The following CFAP44 variants were observed in gnomAD, a reference collection of about 807,000 sequenced individuals.
The protein encoded by CFAP44 is cilia and flagella associated protein 44.
CFAP44 carries 134 observed loss-of-function variants against 216.2 expected under a neutral mutation model. The ratio of observed to expected loss-of-function variants is 0.62; its 90% CI spans 0.54 to 0.72. The LOEUF (loss-of-function observed/expected upper bound fraction) is 0.72, where lower values mean the gene tolerates loss of function less well. Ranked by LOEUF, CFAP44 falls within the 30% of genes least tolerant of loss-of-function variation. The pLI, the probability that CFAP44 is intolerant of heterozygous loss-of-function variation, is 0.00. For missense variants in CFAP44, 2,035 were observed against 2,182.1 expected (o/e 0.93, Z 1.34); for synonymous variants, 700 against 727.6 (o/e 0.96, Z 0.61).
chr3:113,324,042 C>CAAAAAAAA (rs200919084), intron 28 of CFAP44, among the ~76,000 whole-genome samples: 21 of 71,838 alleles, frequency 2.9e-4, no homozygotes, highest in South Asian at 5.5e-4. Flanking sequence ...GACTCCGTCT[C>CAAAAAAAA]AAAAAAAAAA....
At chr3:113,423,334 C>T (rs147048701) in intron 4 of CFAP44, among the ~76,000 whole-genome samples, 81 of 152,064 alleles carry the variant, frequency 5.3e-4, no homozygotes, top group African/African-American at 2.0e-3. Context: ...AGGCTGGTCT[C>T]GCACTCCTGA....
intron 18 of CFAP44, among the ~76,000 whole-genome samples, chr3:113,369,237 T>C (rs906847250): frequency 5.3e-5 from 8 of 152,208 alleles, no homozygotes; most frequent in Admixed American, 1.3e-4. Context: ...GCAGATCTAA[T>C]AGACATCTAT....
chr3:113,314,421 A>G lies in CFAP44; in HGVS notation c.4517-6153T>C, dbSNP rs543706162. On this transcript the variant is annotated intron_variant, in intron 28 of 34. Transcript: ENST00000393845. ...AAAAGTAGTGTCAACCTAGGATTCT[A>G]TACCAAGTGAAAATGTCTTTCAAAA... Among the ~76,000 whole-genome samples, 5 of 152,360 alleles carry G rather than the reference A, an allele frequency of 3.3e-5. No individual in the cohort carries two copies. The East Asian group carries it at 9.6e-4, about 29-fold the overall frequency.
In CFAP44 at chr3:113,427,295, C is replaced by A. The variant is rs1369804390; in HGVS notation, c.145G>T (p.Glu49Ter). The change falls in exon 3 of 35, where the codon GAA becomes TAA. Residue 49 changes from glutamate (E) to a stop codon, truncating the protein, a stop_gained. Coordinates refer to ENST00000393845, the MANE Select transcript of CFAP44 (RefSeq NM_001164496.2). LOFTEE classifies it high-confidence loss of function. ...GATCCTTCCCCTTTGGTAAATGTTT[C>A]ATCTGTGTCATCTTCTAAAAATGTG... ...DNTFLEDDTD[E>*]TFTKGEGSYL... 1 of 1,611,888 alleles carries A rather than the reference C, an allele frequency of 6.2e-7. No homozygotes were observed. Among genetic ancestry groups the A allele is most frequent in the African/African-American group, 1.3e-5 (1 of 74,980 alleles).
Position 113,327,726 on chromosome 3 carries a change from G to C in CFAP44, c.4210C>G (p.His1404Asp). 1.3e-6 allele frequency: 2 copies of C among 1,536,918 alleles called. No individual in the cohort carries two copies. Among genetic ancestry groups the C allele is most frequent in the East Asian group, 4.9e-5 (2 of 40,896 alleles). Residue 1404 changes from histidine (H) to aspartate (D), a missense_variant, in exon 27 of 35, where the codon CAC (histidine) becomes GAC (aspartate). Coordinates refer to ENST00000393845, the MANE Select transcript of CFAP44 (RefSeq NM_001164496.2). ...LDTQMKLSDL[H>D]HVTLFQEILL... ...ATTTCTTGAAATAAGGTGACATGGTGCAGGTCAGATAATTTCATCTGAGTA... is the reference window on the plus strand; with the variant it reads ...ATTTCTTGAAATAAGGTGACATGGTCCAGGTCAGATAATTTCATCTGAGTA...
Position 113,344,515 on chromosome 3 carries a change from C to T in CFAP44, c.3262+1G>A. 6 of 1,535,728 alleles carry T rather than the reference C, an allele frequency of 3.9e-6. No homozygotes were observed. Among genetic ancestry groups the T allele is most frequent in the Non-Finnish European group, 5.2e-6 (6 of 1,146,348 alleles). Reference sequence around the variant, plus strand: ...TTAAAAGCCTTCTTGTCATAGGCTACCTGCATCTCTCTGGCTGTCCTTTCT... The same window carrying T: ...TTAAAAGCCTTCTTGTCATAGGCTATCTGCATCTCTCTGGCTGTCCTTTCT... On this transcript the variant is annotated splice_donor_variant, in intron 23 of 34. Transcript: ENST00000393845. LOFTEE classifies it high-confidence loss of function.
At chr3:113,352,444 T>C (rs1421869556) in intron 22 of CFAP44, among the ~76,000 whole-genome samples, 1 of 152,212 alleles carries the variant, frequency 6.6e-6, no homozygotes, top group Non-Finnish European at 1.5e-5. Context: ...TGCGGCTTCA[T>C]TCTTGAAGTC....
chr3:113,387,976 G>C (rs1018461471), intron 15 of CFAP44, among the ~76,000 whole-genome samples: 1 of 152,092 alleles, frequency 6.6e-6, no homozygotes, highest in Non-Finnish European at 1.5e-5. Context: ...AAAAGGGAGG[G>C]AAGAATGGGA....
intron 21 of CFAP44, among the ~76,000 whole-genome samples, chr3:113,362,205 A>G (rs1950547942): frequency 6.6e-6 from 1 of 151,938 alleles, no homozygotes; most frequent in African/African-American, 2.4e-5. Context: ...TAATCTATCA[A>G]TTTTTGTCTG....
intron 34 of CFAP44, chr3:113,294,072 GAAAC>G: frequency 2.2e-6 from 1 of 456,542 alleles, no homozygotes; most frequent in South Asian, 1.5e-5. Flanking sequence ...AAGACCAAGA[GAAAC>G]AACTGGCCTT....
intron 18 of CFAP44, among the ~76,000 whole-genome samples, chr3:113,367,145 A>G (rs1292540464): frequency 6.6e-6 from 1 of 152,252 alleles, no homozygotes; most frequent in African/African-American, 2.4e-5. Context: ...ATAGCTGAAC[A>G]AAAGGCAGCA....
At position 113,294,813 on chromosome 3, in the gene CFAP44, A is replaced by G; in HGVS notation, c.5247T>C (p.Ile1749=). 5 of 1,529,696 alleles carry G rather than the reference A, an allele frequency of 3.3e-6. No homozygotes were observed. The highest frequency in any genetic ancestry group is 4.4e-6 in the Non-Finnish European group (5 of 1,144,580). The allele number at this position is 1,529,696 out of a possible 1,614,324, so 94.8% of individuals were successfully genotyped here. A position where few individuals can be genotyped will look rare whatever the true frequency, so the allele number is the denominator to read the frequency against. The change falls in exon 34 of 35, where the codon ATT becomes ATC. Residue 1749 remains isoleucine, a synonymous_variant. Transcript: ENST00000393845. ...AKEMKMWEEK[I]AQMRWELMMK... ...TCATCAGTTCCCATCGCATTTGAGC[A>G]ATCTTTTCCTACCAGGGTGGGAAGA...
At chr3:113,302,809 A>C (rs1239700595) in intron 32 of CFAP44, among the ~76,000 whole-genome samples, 10 of 151,700 alleles carry the variant, frequency 6.6e-5, no homozygotes, top group Non-Finnish European at 1.3e-4. Flanking sequence ...AAAAGAAAAA[A>C]GACAAGTTAC....
intron 28 of CFAP44, among the ~76,000 whole-genome samples, chr3:113,322,992 C>A (rs115901000): frequency 6.6e-6 from 1 of 152,132 alleles, no homozygotes; most frequent in South Asian, 2.1e-4. Flanking sequence ...GTGAAGTTGG[C>A]GGCGGGGAAG....
intron 18 of CFAP44, among the ~76,000 whole-genome samples, chr3:113,366,674 CA>C (rs1305315292): frequency 6.6e-6 from 1 of 152,202 alleles, no homozygotes; most frequent in East Asian, 1.9e-4. Flanking sequence ...TCTGCATTTC[CA>C]ACTGAGGTAT....
In CFAP44 at chr3:113,413,345, T is replaced by G. The variant is rs140078186; in HGVS notation, c.673+3180A>C. Among the ~76,000 whole-genome samples, 1,292 of 152,338 alleles carry G rather than the reference T, an allele frequency of 8.5e-3. 13 individuals are homozygous for G. The highest frequency in any genetic ancestry group is 0.03 in the African/African-American group (1,252 of 41,574). On this transcript the variant is annotated intron_variant, in intron 6 of 34. Coordinates refer to ENST00000393845, the MANE Select transcript of CFAP44 (RefSeq NM_001164496.2). ...GCTTGTTCACTCTAATGATAGTTTA[T>G]TTTGCTGTGCAGAAGCTCTTTAGTT...
At chr3:113,365,044 G>T (rs924466698) in intron 19 of CFAP44, among the ~76,000 whole-genome samples, 6 of 151,974 alleles carry the variant, frequency 3.9e-5, no homozygotes, top group Non-Finnish European at 8.8e-5. Flanking sequence ...ATCCAATATG[G>T]GTTTCTGTAG....
intron 13 of CFAP44, 138 bp from the exon 14 acceptor site, chr3:113,396,865 C>G: frequency 1.2e-6 from 1 of 809,060 alleles, no homozygotes; most frequent in Non-Finnish European, 1.9e-6. Flanking sequence ...TTTCTGGTAA[C>G]CTCTATCCAT....
chr3:113,383,399 T>C (rs956315681), intron 15 of CFAP44, among the ~76,000 whole-genome samples: 3 of 152,086 alleles, frequency 2.0e-5, no homozygotes, highest in East Asian at 1.9e-4. Flanking sequence ...CATCCCCTAA[T>C]AAGGAAACTA....
Sources: allele counts gnomAD v4.1 joint callset (sites outside exome capture counted in the v4.1 genomes callset), GRCh38; gene constraint gnomAD v4.1.1; transcripts MANE v1.5; gene names NCBI Gene and HGNC (gene_info 2026-07-23, HGNC 2026-07-21).